The following ATG10 variants were observed in gnomAD, a reference collection of about 807,000 sequenced individuals.
The protein encoded by ATG10 is ubiquitin-like-conjugating enzyme ATG10.
A neutral mutation model predicts 32.1 loss-of-function variants in ATG10; 30 were observed. The ratio of observed to expected loss-of-function variants is 0.94; its 90% confidence interval spans 0.70 to 1.27. ATG10 has a LOEUF of 1.27. Among genes scored for constraint, ATG10 ranks in the 50% most tolerant of loss-of-function variants. The pLI is 0.00. For missense variants in ATG10, 233 were observed against 262.3 expected, an observed-to-expected ratio of 0.89 and a Z score of 0.77; for synonymous variants, 87 against 91.5, an observed-to-expected ratio of 0.95 and a Z score of 0.28.
At chr5:81,976,889 T>G (rs952048377) in intron 1 of ATG10, among the ~76,000 whole-genome samples, 8 of 152,212 alleles carry the variant, frequency 5.3e-5, no homozygotes, top group Non-Finnish European at 1.2e-4. Context: ...TTGTTTTTGT[T>G]TTTTGAGACA....
intron 5 of ATG10, among the ~76,000 whole-genome samples, chr5:82,224,455 C>T (rs1462847010): frequency 6.6e-6 from 1 of 152,092 alleles, no homozygotes; most frequent in Non-Finnish European, 1.5e-5. Context: ...TTCAGCTTTA[C>T]CTAAGAAGCA....
intron 4 of ATG10, among the ~76,000 whole-genome samples, chr5:82,169,011 T>C (rs1743692163): frequency 6.6e-6 from 1 of 151,836 alleles, no homozygotes. Flanking sequence ...AAAAGCACTG[T>C]AGAAGGGGAG....
intron 3 of ATG10, among the ~76,000 whole-genome samples, chr5:82,093,050 C>T (rs1764942790): frequency 6.6e-6 from 1 of 152,186 alleles, no homozygotes; most frequent in Admixed American, 6.5e-5. Context: ...GGTGACTATA[C>T]TTGCACTATC....
intron 3 of ATG10, among the ~76,000 whole-genome samples, chr5:82,061,427 T>C (rs1763769377): frequency 6.6e-6 from 1 of 151,912 alleles, no homozygotes; most frequent in South Asian, 2.1e-4. Context: ...ATGTCCTTTA[T>C]CTCTCCTTCT....
At chr5:82,064,565 A>T (rs147857979) in intron 3 of ATG10, among the ~76,000 whole-genome samples, 103 of 152,252 alleles carry the variant, frequency 6.8e-4, no homozygotes, top group Middle Eastern at 6.8e-3. Context: ...TTCAACACAC[A>T]TTTATGCCAG....
In ATG10 at chr5:82,036,916, C is replaced by T. The variant is rs184910065; in HGVS notation, c.109-21579C>T. On this transcript the variant is annotated intron_variant, in intron 2 of 7. Coordinates refer to ENST00000282185, the MANE Select transcript of ATG10 (RefSeq NM_031482.5). Reference sequence around the variant, plus strand: ...GGAAGGCAGAGGCCGGCACATCACACGGTCAAGAGATCGAGACCATCCTGG... The same window carrying T: ...GGAAGGCAGAGGCCGGCACATCACATGGTCAAGAGATCGAGACCATCCTGG... Among the ~76,000 whole-genome samples, 24 of 151,756 alleles carry T rather than the reference C, an allele frequency of 1.6e-4. No individual in the cohort carries two copies. The East Asian group carries it at 2.0e-3, about 12-fold the overall frequency.
intron 2 of ATG10, among the ~76,000 whole-genome samples, chr5:82,004,370 T>G (rs1033427399): frequency 2.0e-5 from 3 of 152,076 alleles, no homozygotes; most frequent in Admixed American, 2.0e-4. Context: ...AATCACAGAG[T>G]ACCCTGTATG....
chr5:82,195,815 G>A (rs1744831546), intron 5 of ATG10, among the ~76,000 whole-genome samples: 1 of 152,108 alleles, frequency 6.6e-6, no homozygotes, highest in Admixed American at 6.5e-5. Context: ...TCTACTTTGT[G>A]ACTGTTATGA....
At chr5:82,042,326 A>G (rs2149729062) in intron 2 of ATG10, among the ~76,000 whole-genome samples, 1 of 152,174 alleles carries the variant, frequency 6.6e-6, no homozygotes, top group East Asian at 1.9e-4. Context: ...TTCACTCACT[A>G]TCACAAGAAA....
At chr5:82,058,707 A>G in intron 3 of ATG10, 105 bp downstream of exon 3, 2 of 670,956 alleles carry the variant, frequency 3.0e-6, no homozygotes, top group Non-Finnish European at 5.2e-6. Context: ...GAAGCACCAC[A>G]ATTATATGGC....
At chr5:82,101,663 C>T (rs1208346667) in intron 3 of ATG10, among the ~76,000 whole-genome samples, 1 of 152,108 alleles carries the variant, frequency 6.6e-6, no homozygotes, top group Non-Finnish European at 1.5e-5. Context: ...GTTTCATCTG[C>T]CCCAAATTCA....
At chr5:82,246,413 G>C (rs1747036183) in intron 5 of ATG10, among the ~76,000 whole-genome samples, 1 of 151,834 alleles carries the variant, frequency 6.6e-6, no homozygotes, top group South Asian at 2.1e-4. Context: ...TTTGGGCCAG[G>C]TACGGGGGCT....
intron 3 of ATG10, among the ~76,000 whole-genome samples, chr5:82,146,242 TC>T (rs1376679054): frequency 1.3e-4 from 20 of 152,162 alleles, no homozygotes; most frequent in African/African-American, 4.8e-4. Context: ...AAGATATTTT[TC>T]TATGGCTTTT....
Position 82,255,015 on chromosome 5 carries a change from G to A in ATG10, c.*952G>A, listed in dbSNP as rs1482887811. On this transcript the variant is annotated 3_prime_UTR_variant, in exon 8 of 8. Coordinates refer to ENST00000282185, the MANE Select transcript of ATG10 (RefSeq NM_031482.5). ...TGTTTTACCAGCAAAGTGTGGCATA[G>A]TAATTAGAAGTTTTCTAAAAAGCTA... 1 of 152,018 alleles carries A rather than the reference G, an allele frequency of 6.6e-6. No individual in the cohort carries two copies. The highest frequency in any genetic ancestry group is 1.9e-4 in the East Asian group (1 of 5,190). The allele number at this position is 152,018 out of a possible 1,614,324, so 9.4% of individuals were successfully genotyped here. A position where few individuals can be genotyped will look rare whatever the true frequency, so the allele number is the denominator to read the frequency against.
intron 3 of ATG10, among the ~76,000 whole-genome samples, chr5:82,085,255 A>G (rs1764637808): frequency 6.6e-6 from 1 of 152,132 alleles, no homozygotes. Flanking sequence ...TTAATGGTAA[A>G]GGGATCAATT....
chr5:82,166,575 TCAA>T (rs1743590805), intron 4 of ATG10, among the ~76,000 whole-genome samples: 2 of 152,198 alleles, frequency 1.3e-5, no homozygotes, highest in African/African-American at 4.8e-5. Context: ...TTAAAATGTA[TCAA>T]CCTTTACTCT....
intron 3 of ATG10, among the ~76,000 whole-genome samples, chr5:82,069,825 G>A (rs1366948895): frequency 6.6e-6 from 1 of 152,064 alleles, no homozygotes; most frequent in Non-Finnish European, 1.5e-5. Context: ...GTGCTTAAGG[G>A]CAAATAATAA....
chr5:82,099,311 GATA>G (rs1765179284), intron 3 of ATG10, among the ~76,000 whole-genome samples: 1 of 152,070 alleles, frequency 6.6e-6, no homozygotes, highest in Non-Finnish European at 1.5e-5. Flanking sequence ...TAAAAGGAAT[GATA>G]ATTTAATTAT....
At chr5:82,035,370 T>G (rs568775013) in intron 2 of ATG10, among the ~76,000 whole-genome samples, 1 of 152,356 alleles carries the variant, frequency 6.6e-6, no homozygotes, top group African/African-American at 2.4e-5. Context: ...TCTTAGGACC[T>G]AGCACAGCAC....
Sources: allele counts gnomAD v4.1 joint callset (sites outside exome capture counted in the v4.1 genomes callset), GRCh38; gene constraint gnomAD v4.1.1; transcripts MANE v1.5; gene names NCBI Gene and HGNC (gene_info 2026-07-23, HGNC 2026-07-21).